The following ECSIT variants were observed in gnomAD, a reference collection of about 807,000 sequenced individuals.
ECSIT encodes the protein ECSIT signaling integrator.
In ECSIT, 29 loss-of-function variants were observed where a neutral mutation model predicts 36.8. That is an observed-to-expected ratio of 0.79 (90% CI 0.59 to 1.08). ECSIT has a LOEUF of 1.08. ECSIT is among the 50% of genes least tolerant of loss of function. ECSIT has a pLI of 0.00. For synonymous variants in ECSIT, 231 were observed against 234.8 expected (o/e 0.98, Z 0.15); for missense variants, 542 against 581.0 (o/e 0.93, Z 0.69).
intron 1 of ECSIT, chr19:11,521,969 T>C (rs1200537207): frequency 5.8e-6 from 1 of 171,682 alleles, no homozygotes; most frequent in Admixed American, 6.3e-5. Flanking sequence ...GAGGATGCCA[T>C]GAAGGCCTCG....
chr19:11,523,632 G>A, intron 1 of ECSIT: 1 of 849,800 alleles, frequency 1.2e-6, no homozygotes, highest in South Asian at 1.3e-5. Context: ...AGCTGGTGGA[G>A]TCCCTTTGTG....
In ECSIT at chr19:11,507,471, A is replaced by C; in HGVS notation, c.1037T>G (p.Phe346Cys). Residue 346 changes from phenylalanine to cysteine, a missense_variant, in exon 7 of 8, where the codon TTT becomes TGT. Phe to Cys is a radical substitution (Grantham distance 205). Coordinates refer to ENST00000270517, the MANE Select transcript of ECSIT (RefSeq NM_016581.5). ...YVRSGWDNYE[F>C]DINEVEEGPV... is the part of the protein sequence containing the mutation. ...CCAGTTTTTACCTTCATTGATGTCA[A>C]ACTCGTAGTTGTCCCAGCCACTCCT... 6.2e-7 allele frequency: 1 copy of C among 1,613,770 alleles called. No individual in the cohort carries two copies.
intron 1 of ECSIT, among the ~76,000 whole-genome samples, chr19:11,526,090 G>A (rs1227837546): frequency 6.6e-6 from 1 of 151,746 alleles, no homozygotes. Flanking sequence ...TCAGCCTCCC[G>A]AGTAGCTGGG....
chr19:11,508,383 A>ATTTTTTTTTTT lies in ECSIT; in HGVS notation c.739-346_739-336dup, dbSNP rs34929827. On this transcript the variant is annotated intron_variant, in intron 4 of 7. Coordinates refer to ENST00000270517, the MANE Select transcript of ECSIT (RefSeq NM_016581.5). The stretch of plus-strand genomic sequence containing the variant: ...GGGATGATAACAGCACTTAATTCCG[A>ATTTTTTTTTTT]TTTTTTTTTTTTTTTTAGGGATGGG... 9.7e-5 allele frequency among the ~76,000 whole-genome samples: 12 copies of ATTTTTTTTTTT among 124,050 alleles called. 1 individual carries two copies. Among genetic ancestry groups the ATTTTTTTTTTT allele is most frequent in the African/African-American group, 4.0e-4 (11 of 27,648 alleles). 81.4% of individuals were successfully genotyped at this position (124,050 alleles called of 152,430 possible). A position where few individuals can be genotyped will look rare whatever the true frequency, so the allele number is the denominator to read the frequency against.
chr19:11,509,610 A>G (rs538906383), intron 4 of ECSIT, among the ~76,000 whole-genome samples: 36 of 151,352 alleles, frequency 2.4e-4, no homozygotes, highest in African/African-American at 8.0e-4. Flanking sequence ...TCTACTAGAA[A>G]TACAAAAATT....
In ECSIT at chr19:11,513,785, G is replaced by A. The variant is rs116164822; in HGVS notation, c.514+19C>T. ...CAGTGTAGCCCACTCCCCACCCTGC[G>A]CCAGCCTCCTGGCCTCACCGTGGTT... On this transcript the variant is annotated intron_variant, in intron 3 of 7. Coordinates refer to ENST00000270517, the MANE Select transcript of ECSIT (RefSeq NM_016581.5). 1,684 of 1,613,436 alleles carry A rather than the reference G, an allele frequency of 1.0e-3. 10 individuals carry two copies. Among genetic ancestry groups the A allele is most frequent in the African/African-American group, 8.7e-3 (652 of 75,000 alleles).
At chr19:11,522,335 C>A in intron 1 of ECSIT, 1 of 737,952 alleles carries the variant, frequency 1.4e-6, no homozygotes, top group Non-Finnish European at 2.4e-6. Context: ...TGGACCCATT[C>A]CATCCAGATC....
chr19:11,517,924 C>T (rs575616329), intron 2 of ECSIT, among the ~76,000 whole-genome samples: 8 of 151,776 alleles, frequency 5.3e-5, no homozygotes, highest in Non-Finnish European at 1.2e-4. Flanking sequence ...TGCTCACAGT[C>T]ACCACACAAA....
Position 11,506,231 on chromosome 19 carries a change from G to A in ECSIT, c.1249C>T (p.Gln417Ter), listed in dbSNP as rs1971732921. ...LEEPPLPEDH[Q>*]EEDDNLQRQQ... ...CGCTGCAGGTTGTCGTCTTCTTCCT[G>A]GTGGTCCTCGGGCAGGGGCGGCTCC... Residue 417 changes from glutamine to a stop codon, truncating the protein, a stop_gained, in exon 8 of 8, where the codon CAG (glutamine) becomes TAG (stop). Transcript: ENST00000270517. LOFTEE classifies it high-confidence loss of function. The A allele has an allele frequency of 3.1e-6, 5 of 1,608,992 alleles. No individual in the cohort carries two copies. Among genetic ancestry groups the A allele is most frequent in the Non-Finnish European group, 4.2e-6 (5 of 1,179,898 alleles).
chr19:11,512,887 G>A (rs917442638), intron 4 of ECSIT, among the ~76,000 whole-genome samples, 169 bp downstream of exon 4: 49 of 152,164 alleles, frequency 3.2e-4, no homozygotes, highest in Non-Finnish European at 2.9e-5. Context: ...AGGCTGCAGT[G>A]AGCCGAGATA....
At chr19:11,516,645 C>T (rs759338948) in intron 2 of ECSIT, among the ~76,000 whole-genome samples, 15 of 151,206 alleles carry the variant, frequency 9.9e-5, no homozygotes, top group Non-Finnish European at 2.2e-4. Flanking sequence ...AGAGTAAAAC[C>T]TTATCTCTAA....
At chr19:11,512,295 A>C (rs1182427521) in intron 4 of ECSIT, among the ~76,000 whole-genome samples, 6 of 152,026 alleles carry the variant, frequency 3.9e-5, no homozygotes, top group Admixed American at 3.9e-4. Context: ...CCGTGAGCCA[A>C]GATAGTGCTA....
chr19:11,508,666 C>T (rs377195716), intron 4 of ECSIT, among the ~76,000 whole-genome samples: 4 of 152,074 alleles, frequency 2.6e-5, no homozygotes, highest in East Asian at 1.9e-4. Flanking sequence ...GATTCTCCTG[C>T]GTCGGCCTCC....
chr19:11,522,720 T>A (rs1194759428), intron 1 of ECSIT, among the ~76,000 whole-genome samples: 1 of 148,562 alleles, frequency 6.7e-6, no homozygotes, highest in African/African-American at 2.5e-5. Context: ...CTCAAAAAAA[T>A]TAATTAATTA....
intron 1 of ECSIT, chr19:11,522,327 G>A: frequency 1.4e-6 from 1 of 719,368 alleles, no homozygotes; most frequent in Non-Finnish European, 2.5e-6. Flanking sequence ...ACCCCACCTG[G>A]ACCCATTCCA....
rs1972124750 is a variant in ECSIT at position 11,522,437 on chromosome 19, AG to A, written c.-23-3245del. 8.2e-6 allele frequency: 12 copies of A among 1,455,144 alleles called. No homozygotes were observed. The East Asian group carries it at 2.8e-4, about 33-fold the overall frequency. 90.1% of individuals were successfully genotyped at this position (1,455,144 alleles called of 1,614,324 possible). The stretch of plus-strand genomic sequence containing the variant: ...AAGATCAAGTTCCCGCTGCCCCACC[AG>A]GTCCTGCGCCATCAGCACAAGCCAC... On this transcript the variant is annotated intron_variant, in intron 1 of 7. Transcript: ENST00000270517.
intron 2 of ECSIT, among the ~76,000 whole-genome samples, chr19:11,518,384 G>A (rs1017272808): frequency 1.1e-4 from 16 of 151,834 alleles, no homozygotes; most frequent in African/African-American, 3.9e-4. Context: ...CCAAGACCAC[G>A]CCACTGCACT....
chr19:11,517,337 G>A (rs973127040), intron 2 of ECSIT, among the ~76,000 whole-genome samples: 1 of 151,654 alleles, frequency 6.6e-6, no homozygotes, highest in African/African-American at 2.4e-5. Context: ...GCAGTGGCTC[G>A]TGCCTGTAAT....
intron 2 of ECSIT, among the ~76,000 whole-genome samples, chr19:11,518,148 C>CG (rs1164557889): frequency 6.6e-6 from 1 of 151,968 alleles, no homozygotes; most frequent in Non-Finnish European, 1.5e-5. Context: ...AATTAGCGGC[C>CG]GGGTGCGGTG....
Sources: allele counts gnomAD v4.1 joint callset (sites outside exome capture counted in the v4.1 genomes callset), GRCh38; gene constraint gnomAD v4.1.1; transcripts MANE v1.5; gene names NCBI Gene and HGNC (gene_info 2026-07-23, HGNC 2026-07-21).